Variants in EXT2 observed in about 807,000 individuals in gnomAD.
EXT2 encodes exostosin-2.
In EXT2, 53 loss-of-function variants were observed where a neutral mutation model predicts 81.6. The ratio of observed to expected loss-of-function variants is 0.65; its 90% CI spans 0.52 to 0.82. The LOEUF is 0.82. Among genes scored for constraint, EXT2 ranks in the 40% least tolerant of loss-of-function variants. The probability of loss-of-function intolerance (pLI) is 0.00; values close to 1 mark genes in which losing one functional copy is unlikely to be tolerated. For synonymous variants in EXT2, 320 were observed against 340.0 expected (o/e 0.94, Z 0.65); for missense variants, 774 against 910.2 (o/e 0.85, Z 1.93).
At chr11:44,134,870 T>TAGA (rs1954543076) in intron 7 of EXT2, among the ~76,000 whole-genome samples, 1 of 152,202 alleles carries the variant, frequency 6.6e-6, no homozygotes, top group Non-Finnish European at 1.5e-5. Flanking sequence ...CTCAATTGAC[T>TAGA]AGAAGCCTTT....
At chr11:44,113,933 A>G (rs995269111) in intron 3 of EXT2, among the ~76,000 whole-genome samples, 1 of 152,132 alleles carries the variant, frequency 6.6e-6, no homozygotes, top group Non-Finnish European at 1.5e-5. Flanking sequence ...CCTCTGGACT[A>G]TGATGTGTTT....
In EXT2 at chr11:44,108,051, G is replaced by A. The variant is rs1207062791; in HGVS notation, c.339G>A (p.Lys113=). The A allele has an allele frequency of 1.2e-6, 2 of 1,614,166 alleles. No individual in the cohort carries two copies. The highest frequency in any genetic ancestry group is 1.7e-6 in the Non-Finnish European group (2 of 1,180,032). ...KIKVYIYALK[K]YVDDFGVSVS... ...AGGTGTATATCTATGCTCTGAAAAA[G>A]TACGTGGATGACTTTGGCGTCTCTG... is the stretch of plus-strand genomic sequence containing the variant. The change falls in exon 2 of 14, where the codon AAG becomes AAA. Residue 113 remains lysine, a synonymous_variant. Coordinates refer to ENST00000533608, the MANE Select transcript of EXT2 (RefSeq NM_207122.2).
intron 9 of EXT2, among the ~76,000 whole-genome samples, chr11:44,202,453 A>G (rs1955532944): frequency 6.6e-6 from 1 of 152,198 alleles, no homozygotes; most frequent in African/African-American, 2.4e-5. Flanking sequence ...AACATGACCA[A>G]AGTTCCATGT....
At chr11:44,226,423 A>G (rs1423141325) in intron 10 of EXT2, among the ~76,000 whole-genome samples, 2 of 152,184 alleles carry the variant, frequency 1.3e-5, no homozygotes, top group Non-Finnish European at 2.9e-5. Context: ...TTGGCTGTAG[A>G]TGGCTAGTAT....
intron 7 of EXT2, among the ~76,000 whole-genome samples, chr11:44,153,681 T>G (rs914084988): frequency 7.9e-5 from 12 of 152,074 alleles, no homozygotes; most frequent in African/African-American, 2.7e-4. Flanking sequence ...CTAGAGGAAA[T>G]TTCCTTCTAT....
At chr11:44,159,070 G>C (rs960309333) in intron 7 of EXT2, among the ~76,000 whole-genome samples, 7 of 149,010 alleles carry the variant, frequency 4.7e-5, no homozygotes, top group Admixed American at 4.0e-4. Context: ...TGTGGTTTTT[G>C]GGTTTTTTGG....
chr11:44,235,591 T>C (rs1484210999), intron 12 of EXT2, among the ~76,000 whole-genome samples: 1 of 152,154 alleles, frequency 6.6e-6, no homozygotes, highest in Non-Finnish European at 1.5e-5. Context: ...TAGCTGTGGC[T>C]GCTTACTCTG....
At chr11:44,111,620 GTTTA>G (rs1309362039) in intron 3 of EXT2, among the ~76,000 whole-genome samples, 2 of 152,078 alleles carry the variant, frequency 1.3e-5, no homozygotes, top group Non-Finnish European at 2.9e-5. Context: ...TTATGTGGGT[GTTTA>G]TTTATTTACT....
In EXT2 at chr11:44,096,225, C is replaced by G. The variant is rs981495657; in HGVS notation, c.-31+373C>G. 1.5e-5 allele frequency: 23 copies of G among 1,535,066 alleles called. No homozygotes were observed. The Middle Eastern group carries it at 6.7e-4, about 44-fold the overall frequency. On this transcript the variant is annotated intron_variant, in intron 1 of 13. Transcript: ENST00000533608. ...CTTCCTGCTGCCACCTTCCCGCCAG[C>G]CACAGGGATCTGATTCCTCCCAGGG...
intron 8 of EXT2, among the ~76,000 whole-genome samples, chr11:44,178,547 C>T (rs1370042681): frequency 1.3e-5 from 2 of 152,260 alleles, no homozygotes; most frequent in East Asian, 1.9e-4. Context: ...TGTGGTTGTA[C>T]AAGCAGCTGA....
chr11:44,129,998 T>C (rs1208533205), intron 6 of EXT2, 47 bp from the exon 7 acceptor site: 8 of 1,436,484 alleles, frequency 5.6e-6, no homozygotes, highest in Non-Finnish European at 7.9e-6. Context: ...AGAAATGCTT[T>C]CTGTGAAGGG....
At position 44,124,790 on chromosome 11, in the gene EXT2, C is replaced by T. The variant is rs1393932764; in HGVS notation, c.745C>T (p.Pro249Ser). The T allele has an allele frequency of 5.6e-6, 9 of 1,613,906 alleles. No homozygotes were observed. The highest frequency in any genetic ancestry group is 7.6e-6 in the Non-Finnish European group (9 of 1,179,984). The change falls in exon 5 of 14, where the codon CCA becomes TCA. Residue 249 changes from proline (P) to serine (S), a missense_variant and splice_region_variant. By Grantham distance (74) the Pro-to-Ser change is moderately conservative (BLOSUM62 -1). Transcript: ENST00000533608. Reference protein sequence around the residue: ...EVDLPEKGPGPRQYFLLSSQV... With the variant: ...EVDLPEKGPGSRQYFLLSSQV... ...ATCACCTGTTTTTTTCCCTTGTAGT[C>T]CACGGCAATACTTCCTCCTGTCATC...
At chr11:44,165,293 A>C (rs1416555174) in intron 7 of EXT2, among the ~76,000 whole-genome samples, 2 of 152,212 alleles carry the variant, frequency 1.3e-5, no homozygotes, top group Non-Finnish European at 2.9e-5. Flanking sequence ...GTACATTGCC[A>C]GCGTAGCTGA....
rs369719733 is a variant in EXT2, at chr11:44,152,208, T to A, written c.1174-19403T>A. Among the ~76,000 whole-genome samples the A allele has an allele frequency of 2.0e-5, 3 of 152,252 alleles. No individual in the cohort carries two copies. The South Asian group carries it at 6.2e-4, about 32-fold the overall frequency. ...GACATTATTTGTTGCACATCAGGAGTGTTTAATATTAATGAAGTCCAGCTT... is the reference window on the plus strand; with the variant it reads ...GACATTATTTGTTGCACATCAGGAGAGTTTAATATTAATGAAGTCCAGCTT... On this transcript the variant is annotated intron_variant, in intron 7 of 13. Transcript: ENST00000533608.
At chr11:44,177,758 A>G (rs187614962) in intron 8 of EXT2, among the ~76,000 whole-genome samples, 2 of 152,216 alleles carry the variant, frequency 1.3e-5, no homozygotes, top group East Asian at 1.9e-4. Context: ...GGTAACACTA[A>G]TAAAGATACC....
chr11:44,097,445 A>C (rs1953914685), intron 1 of EXT2, among the ~76,000 whole-genome samples: 1 of 152,140 alleles, frequency 6.6e-6, no homozygotes, highest in Non-Finnish European at 1.5e-5. Context: ...TTGGGTTAAG[A>C]TCCAGTGTGG....
At chr11:44,198,121 C>A in intron 9 of EXT2, 103 bp downstream of exon 9, 2 of 1,180,828 alleles carry the variant, frequency 1.7e-6, no homozygotes, top group Non-Finnish European at 2.5e-6. Context: ...AATAGCAATA[C>A]CATTTCTGAG....
intron 10 of EXT2, among the ~76,000 whole-genome samples, chr11:44,225,784 C>T (rs1014734515): frequency 1.3e-5 from 2 of 152,174 alleles, no homozygotes; most frequent in Admixed American, 6.5e-5. Context: ...AACCATGTCT[C>T]TCCAGGTCTC....
rs1953883315 is a variant in EXT2 at position 44,095,692 on chromosome 11, C to G, written c.-191C>G. 3 of 153,144 alleles carry G rather than the reference C, an allele frequency of 2.0e-5. No individual in the cohort carries two copies. The highest frequency in any genetic ancestry group is 3.4e-3 in the Middle Eastern group (1 of 294). 9.5% of individuals were successfully genotyped at this position (153,144 alleles called of 1,614,324 possible). On this transcript the variant is annotated 5_prime_UTR_variant, in exon 1 of 14. Transcript: ENST00000533608. ...CGCTCGGTGTCAGACGGCCCGGATC[C>G]CGGTTACCGGCCCCTCGCTCGCTGC...
Sources: allele counts gnomAD v4.1 joint callset (sites outside exome capture counted in the v4.1 genomes callset), GRCh38; gene constraint gnomAD v4.1.1; transcripts MANE v1.5; gene names NCBI Gene and HGNC (gene_info 2026-07-23, HGNC 2026-07-21).